CHD9: variants seen among roughly 807,000 people sequenced by gnomAD.
CHD9 encodes ATP-dependent chromatin remodeler CHD9.
CHD9 carries 77 observed loss-of-function variants against 316.1 expected under a neutral mutation model. That is an observed-to-expected ratio of 0.24 (90% confidence interval 0.20 to 0.29). The LOEUF (loss-of-function observed/expected upper bound fraction) is 0.29. Among genes scored for constraint, CHD9 ranks in the 10% least tolerant of loss-of-function variants. The pLI, the probability that CHD9 is intolerant of heterozygous loss-of-function variation, is 1.00. For synonymous variants in CHD9, 1,129 were observed against 1,158.3 expected, an observed-to-expected ratio of 0.97 and a Z score of 0.51; for missense variants, 2,763 against 3,438.1, an observed-to-expected ratio of 0.80 and a Z score of 4.91.
chr16:53,263,909 A>T (rs182801319), intron 20 of CHD9, among the ~76,000 whole-genome samples: 2 of 152,150 alleles, frequency 1.3e-5, no homozygotes, highest in Non-Finnish European at 1.5e-5. Context: ...GCAAAACACT[A>T]TAAAAGTTCG....
intron 1 of CHD9, among the ~76,000 whole-genome samples, chr16:53,132,696 G>A (rs2039412730): frequency 6.6e-6 from 1 of 151,174 alleles, no homozygotes; most frequent in South Asian, 2.1e-4. Flanking sequence ...CCTTACGTTC[G>A]ATATTTGATA....
At chr16:53,159,901 G>A (rs565520758) in intron 2 of CHD9, among the ~76,000 whole-genome samples, 3 of 152,206 alleles carry the variant, frequency 2.0e-5, no homozygotes, top group Admixed American at 6.5e-5. Flanking sequence ...ACAGGCGTGA[G>A]CCACCATGCC....
At chr16:53,089,509 A>G (rs2035755701) in intron 1 of CHD9, among the ~76,000 whole-genome samples, 1 of 152,192 alleles carries the variant, frequency 6.6e-6, no homozygotes, top group Non-Finnish European at 1.5e-5. Flanking sequence ...GACAAACAGG[A>G]GTACAGGTAT....
intron 1 of CHD9, among the ~76,000 whole-genome samples, chr16:53,134,137 C>T (rs1413152377): frequency 2.0e-5 from 3 of 152,068 alleles, no homozygotes; most frequent in South Asian, 2.1e-4. Context: ...GAAATTTCAT[C>T]GGGTAATGAG....
At chr16:53,083,903 A>T (rs546031556) in intron 1 of CHD9, among the ~76,000 whole-genome samples, 1 of 151,570 alleles carries the variant, frequency 6.6e-6, no homozygotes, top group Non-Finnish European at 1.5e-5. Context: ...AGTGTGCATC[A>T]CTATGCCCAA....
chr16:53,116,626 G>A (rs2038330360), intron 1 of CHD9, among the ~76,000 whole-genome samples: 1 of 152,112 alleles, frequency 6.6e-6, no homozygotes. Context: ...ACTGTTGGTG[G>A]GAATGTAAAT....
At chr16:53,063,348 C>T (rs2033133625) in intron 1 of CHD9, among the ~76,000 whole-genome samples, 1 of 137,926 alleles carries the variant, frequency 7.3e-6, no homozygotes, top group Admixed American at 7.3e-5. Context: ...TATGCTGCTT[C>T]TCATAAATTT....
Position 53,297,026 on chromosome 16 carries a change from A to C in CHD9, c.5581A>C (p.Arg1861=), listed in dbSNP as rs1194063317. 6.2e-7 allele frequency: 1 copy of C among 1,613,776 alleles called. No homozygotes were observed. The highest frequency in any genetic ancestry group is 1.7e-5 in the Admixed American group (1 of 60,008). ...ATTTGGAGTGGTTTTTGACCCTGAC[A>C]GAGGCCAATTTGATTGGACAAAATT... ...STFGVVFDPD[R]GQFDWTKFRA... The change falls in exon 30 of 39, where the codon AGA becomes CGA. Residue 1861 remains arginine, a synonymous_variant. Transcript: ENST00000447540.
chr16:53,082,870 T>C (rs1458033157), intron 1 of CHD9, among the ~76,000 whole-genome samples: 1 of 152,208 alleles, frequency 6.6e-6, no homozygotes, highest in African/African-American at 2.4e-5. Context: ...CCCTGTCAGG[T>C]AAGCTTCCTC....
At chr16:53,235,130 TCAG>T in intron 10 of CHD9, 52 bp from the exon 11 acceptor site, 2 of 1,467,668 alleles carry the variant, frequency 1.4e-6, no homozygotes, top group African/African-American at 1.4e-5. Context: ...CTTTTTGCCT[TCAG>T]TATGATATAT....
intron 1 of CHD9, among the ~76,000 whole-genome samples, chr16:53,139,051 G>A (rs139496173): frequency 5.9e-5 from 9 of 152,062 alleles, no homozygotes; most frequent in African/African-American, 2.2e-4. Context: ...TTTTTTTGAG[G>A]TAAAGGATCT....
intron 2 of CHD9, among the ~76,000 whole-genome samples, chr16:53,192,380 G>A (rs1597369628): frequency 6.6e-6 from 1 of 152,144 alleles, no homozygotes; most frequent in South Asian, 2.1e-4. Context: ...TGGGATTAAG[G>A]GAAAGGAATA....
intron 36 of CHD9, among the ~76,000 whole-genome samples, chr16:53,317,379 G>A (rs1203884246): frequency 6.6e-6 from 1 of 152,102 alleles, no homozygotes; most frequent in African/African-American, 2.4e-5. Context: ...ATTTTTAATT[G>A]GCTGGAAATA....
At chr16:53,076,960 G>A (rs926889097) in intron 1 of CHD9, among the ~76,000 whole-genome samples, 1 of 151,444 alleles carries the variant, frequency 6.6e-6, no homozygotes, top group Admixed American at 6.6e-5. Context: ...GACTACAGGT[G>A]CATGCCACCA....
intron 2 of CHD9, among the ~76,000 whole-genome samples, chr16:53,176,727 GGT>G (rs1393071326): frequency 6.6e-6 from 1 of 152,050 alleles, no homozygotes; most frequent in East Asian, 1.9e-4. Context: ...TTTAGAGTTG[GGT>G]TACTTGAAAT....
chr16:53,262,200 T>A (rs2051205829), intron 19 of CHD9, among the ~76,000 whole-genome samples: 1 of 152,176 alleles, frequency 6.6e-6, no homozygotes, highest in Non-Finnish European at 1.5e-5. Flanking sequence ...ACATTGTGTA[T>A]CTTCAATGCT....
At chr16:53,256,111 A>G (rs999334789) in intron 19 of CHD9, among the ~76,000 whole-genome samples, 5 of 152,184 alleles carry the variant, frequency 3.3e-5, no homozygotes, top group Non-Finnish European at 7.3e-5. Flanking sequence ...ATCAGCTTAC[A>G]TCAACTTTCA....
At position 53,245,209 on chromosome 16, in the gene CHD9, CAT is replaced by C. The variant is rs2049474177; in HGVS notation, c.3055-125_3055-124del. On this transcript the variant is annotated intron_variant, in intron 13 of 38. Transcript: ENST00000447540. This position sits in a 1 kb window ranked among gnomAD's most constrained non-coding sequence, Gnocchi z 4.1. ...ATATATATATATACACACACACACA[CAT>C]AACATATATATATGTATATATAGTC... 2.3e-5 allele frequency: 14 copies of C among 602,048 alleles called. No homozygotes were observed. Among genetic ancestry groups the C allele is most frequent in the Middle Eastern group, 4.6e-4 (1 of 2,160 alleles). 37.3% of individuals were successfully genotyped at this position (602,048 alleles called of 1,614,324 possible). A position where few individuals can be genotyped will look rare whatever the true frequency, so the allele number is the denominator to read the frequency against.
intron 1 of CHD9, among the ~76,000 whole-genome samples, chr16:53,140,659 CT>C (rs1224220945): frequency 6.6e-6 from 1 of 152,172 alleles, no homozygotes; most frequent in Non-Finnish European, 1.5e-5. Context: ...TCGATCGTAG[CT>C]CACTGCATCC....
Sources: gnomAD v4.1 joint callset for allele counts (sites outside exome capture counted in the v4.1 genomes callset) on GRCh38, gnomAD v4.1.1 for gene constraint, Gnocchi (gnomAD v3.1) non-coding constraint, MANE v1.5 for transcripts, NCBI Gene and HGNC (gene_info 2026-07-23, HGNC 2026-07-21) for gene names.